The following SGCD variants were observed in gnomAD, a reference collection of about 807,000 sequenced individuals.
SGCD encodes the protein delta-sarcoglycan.
In SGCD, 18 loss-of-function variants were observed where a neutral mutation model predicts 36.6. The observed-to-expected ratio is 0.49, with a 90% CI of 0.34 to 0.73. SGCD has a LOEUF of 0.73. Ranked by LOEUF, SGCD falls within the 30% of genes least tolerant of loss-of-function variation. The pLI, the probability that SGCD is intolerant of heterozygous loss-of-function variation, is 0.01. For synonymous variants in SGCD, 133 were observed against 130.6 expected, an observed-to-expected ratio of 1.02 and a Z score of -0.12; for missense variants, 387 against 346.7, an observed-to-expected ratio of 1.12 and a Z score of -0.92.
intron 1 of SGCD, among the ~76,000 whole-genome samples, chr5:155,985,659 C>T (rs990239695): frequency 6.6e-6 from 1 of 152,102 alleles, no homozygotes; most frequent in Non-Finnish European, 1.5e-5. Flanking sequence ...GGCTTTCTCC[C>T]CTACTTCTGC....
In SGCD at chr5:156,107,241, T is replaced by G. The variant is rs181464196; in HGVS notation, c.-281-10637T>G. Among the ~76,000 whole-genome samples, 16 of 152,204 alleles carry G rather than the reference T, an allele frequency of 1.1e-4. No homozygotes were observed. In the South Asian group the frequency reaches 3.3e-3, roughly 31 times the overall value. On this transcript the variant is annotated intron_variant, in intron 1 of 9. Coordinates refer to the SGCD transcript ENST00000517913. ...TAGGAAACAGGCAGTAGCTACCTCATGAGCCCATCAATTTACCTTGGAATA... is the reference window on the plus strand; with the variant it reads ...TAGGAAACAGGCAGTAGCTACCTCAGGAGCCCATCAATTTACCTTGGAATA...
intron 3 of SGCD, among the ~76,000 whole-genome samples, chr5:156,425,725 C>G (rs1348101258): frequency 6.6e-6 from 1 of 151,960 alleles, no homozygotes; most frequent in Non-Finnish European, 1.5e-5. Context: ...TCACGCTTCC[C>G]CCCGAGTCCC....
chr5:156,200,757 C>A (rs1003425240), intron 3 of SGCD, among the ~76,000 whole-genome samples: 1 of 152,120 alleles, frequency 6.6e-6, no homozygotes, highest in Non-Finnish European at 1.5e-5. Context: ...GCAAAGAATT[C>A]AAAGCAGAAT....
intron 4 of SGCD, among the ~76,000 whole-genome samples, chr5:156,540,133 C>A (rs1758293418): frequency 6.6e-6 from 1 of 152,142 alleles, no homozygotes; most frequent in African/African-American, 2.4e-5. Flanking sequence ...GGACTTCTAA[C>A]TGTAAAGGCC....
intron 3 of SGCD, among the ~76,000 whole-genome samples, chr5:156,233,416 A>G (rs1421071218): frequency 6.6e-6 from 1 of 152,210 alleles, no homozygotes; most frequent in African/African-American, 2.4e-5. Context: ...TACTTTGACT[A>G]AATCTGTTTG....
intron 3 of SGCD, among the ~76,000 whole-genome samples, chr5:156,287,611 C>T (rs1027989864): frequency 6.7e-6 from 1 of 149,490 alleles, no homozygotes; most frequent in Non-Finnish European, 1.5e-5. Flanking sequence ...CAGCTTGGAA[C>T]TTTAGTTCCG....
chr5:155,752,214 T>C, the SGCD span, among the ~76,000 whole-genome samples: 1 of 152,202 alleles, frequency 6.6e-6, no homozygotes, highest in Admixed American at 6.5e-5. Flanking sequence ...TATGGCATGC[T>C]GCTAGAATGA....
chr5:156,301,115 G>A (rs748025589), intron 3 of SGCD, among the ~76,000 whole-genome samples: 11 of 151,890 alleles, frequency 7.2e-5, no homozygotes, highest in Non-Finnish European at 1.3e-4. Context: ...GTAAGGACTT[G>A]CTCCTGCCAT....
chr5:156,251,604 T>C (rs1765579791), intron 3 of SGCD, among the ~76,000 whole-genome samples: 1 of 152,152 alleles, frequency 6.6e-6, no homozygotes, highest in Admixed American at 6.5e-5. Flanking sequence ...AACCTCTGCC[T>C]CTGCGGTTCA....
chr5:156,573,926 C>T (rs1478135222), intron 4 of SGCD, among the ~76,000 whole-genome samples: 3 of 152,126 alleles, frequency 2.0e-5, no homozygotes, highest in Non-Finnish European at 4.4e-5. Flanking sequence ...CTCCTAGCCT[C>T]AAGTGATCCT....
At chr5:156,647,709 A>T (rs896157702) in intron 7 of SGCD, among the ~76,000 whole-genome samples, 173 bp downstream of exon 7, 2 of 152,088 alleles carry the variant, frequency 1.3e-5, no homozygotes, top group African/African-American at 4.8e-5. Context: ...TTCTATGAGA[A>T]CTTAAAATTG....
At chr5:156,526,118 C>T (rs1757630210) in intron 4 of SGCD, among the ~76,000 whole-genome samples, 1 of 151,942 alleles carries the variant, frequency 6.6e-6, no homozygotes, top group Admixed American at 6.6e-5. Flanking sequence ...GAAGTATGGC[C>T]CTTTACAGCC....
At chr5:156,396,859 G>A (rs924923583) in intron 3 of SGCD, among the ~76,000 whole-genome samples, 20 of 152,166 alleles carry the variant, frequency 1.3e-4, no homozygotes, top group African/African-American at 1.4e-4. Flanking sequence ...TTGAGGTGAT[G>A]TAATTCACCC....
the SGCD span, among the ~76,000 whole-genome samples, chr5:155,788,491 A>G: frequency 6.6e-6 from 1 of 152,138 alleles, no homozygotes; most frequent in Admixed American, 6.6e-5. Flanking sequence ...TTCTATATCA[A>G]GATACATCTA....
chr5:156,706,260 A>AT (rs1435097432), intron 7 of SGCD, among the ~76,000 whole-genome samples: 2 of 152,158 alleles, frequency 1.3e-5, no homozygotes, highest in African/African-American at 4.8e-5. Context: ...CTGTCTTGTC[A>AT]TCTCACTCTG....
Position 156,423,404 on chromosome 5 carries a change from TAATATAATATATTATATTTTAATAA to T in SGCD, c.192+78741_192+78765del, listed in dbSNP as rs1561686020. 2.2e-3 allele frequency among the ~76,000 whole-genome samples: 269 copies of T among 119,884 alleles called. 9 individuals carry two copies. The highest frequency in any genetic ancestry group is 7.6e-3 in the African/African-American group (236 of 30,956). The allele number at this position is 119,884 out of a possible 152,430, so 78.6% of individuals were successfully genotyped here. ...TAATATAATATATTATATTTTATTATAATATAATATATTATATTTTAATAAAATATAATATATTTATTTTATTATA... is the reference window on the plus strand; with the variant it reads ...TAATATAATATATTATATTTTATTATAATATAATATATTTATTTTATTATA... On this transcript the variant is annotated intron_variant, in intron 3 of 8. Transcript: ENST00000337851.
chr5:155,834,852 G>A, the SGCD span, among the ~76,000 whole-genome samples: 3 of 135,874 alleles, frequency 2.2e-5, no homozygotes, highest in South Asian at 2.3e-4. Context: ...TTTTTTTTTC[G>A]TGAGACGGAC....
intron 7 of SGCD, among the ~76,000 whole-genome samples, chr5:156,747,471 C>T (rs1756988148): frequency 6.6e-6 from 1 of 152,130 alleles, no homozygotes; most frequent in Non-Finnish European, 1.5e-5. Context: ...GGGGAGGGTC[C>T]ATTTCCAAAA....
chr5:155,927,659 A>T (rs913267110), intron 1 of SGCD, among the ~76,000 whole-genome samples: 1 of 152,198 alleles, frequency 6.6e-6, no homozygotes, highest in Admixed American at 6.5e-5. Flanking sequence ...ATTTTGCCTG[A>T]GAGAGGGAGT....
Sources: allele counts gnomAD v4.1 joint callset (sites outside exome capture counted in the v4.1 genomes callset), GRCh38; gene constraint gnomAD v4.1.1; transcripts MANE v1.5; gene names NCBI Gene and HGNC (gene_info 2026-07-23, HGNC 2026-07-21).